The following SIPA1L3 variants were observed in gnomAD, a reference collection of about 807,000 sequenced individuals.
SIPA1L3 encodes the protein signal induced proliferation associated 1 like 3, also known as signal-induced proliferation-associated 1-like protein 3.
A neutral mutation model predicts 150.1 loss-of-function variants in SIPA1L3; 59 were observed. The observed-to-expected ratio is 0.39, with a 90% CI of 0.32 to 0.49. SIPA1L3 has a LOEUF of 0.49. SIPA1L3 is among the 20% of genes least tolerant of loss of function. The pLI is 0.86. For synonymous variants in SIPA1L3, 1,070 were observed against 1,077.6 expected (o/e 0.99, Z 0.14); for missense variants, 2,211 against 2,489.5 (o/e 0.89, Z 2.38).
intron 1 of SIPA1L3, among the ~76,000 whole-genome samples, chr19:37,977,205 C>T (rs2083109794): frequency 6.6e-6 from 1 of 152,014 alleles, no homozygotes; most frequent in South Asian, 2.1e-4. Context: ...TGCTCTGTCG[C>T]CCAGGCTGGA....
intron 1 of SIPA1L3, among the ~76,000 whole-genome samples, chr19:37,998,993 A>C (rs941644891): frequency 2.6e-5 from 4 of 151,366 alleles, no homozygotes; most frequent in South Asian, 4.2e-4. Context: ...ACACACACAC[A>C]CACACACACA....
At chr19:38,018,919 A>ATC (rs1968302276) in intron 1 of SIPA1L3, among the ~76,000 whole-genome samples, 2 of 152,272 alleles carry the variant, frequency 1.3e-5, no homozygotes, top group Admixed American at 6.5e-5. Context: ...ATGACTCAAC[A>ATC]TCTCATATAT....
chr19:38,168,369 A>T (rs1366010697), intron 15 of SIPA1L3, among the ~76,000 whole-genome samples: 3 of 152,042 alleles, frequency 2.0e-5, no homozygotes, highest in Non-Finnish European at 2.9e-5. Flanking sequence ...CCTGGGGAAT[A>T]GAATGAGACT....
At chr19:38,039,466 GGTGA>G (rs1968863274) in intron 2 of SIPA1L3, among the ~76,000 whole-genome samples, 1 of 152,024 alleles carries the variant, frequency 6.6e-6, no homozygotes. Context: ...GGCTGAGGCG[GGTGA>G]ATCACTTGAG....
At chr19:38,160,950 C>T (rs1390611377) in intron 13 of SIPA1L3, among the ~76,000 whole-genome samples, 1 of 152,156 alleles carries the variant, frequency 6.6e-6, no homozygotes, top group Non-Finnish European at 1.5e-5. Context: ...ATGTGAAGAC[C>T]TATGGTGAAG....
intron 1 of SIPA1L3, among the ~76,000 whole-genome samples, chr19:37,943,029 TC>T (rs2046675662): frequency 6.8e-5 from 8 of 118,460 alleles, no homozygotes; most frequent in Middle Eastern, 4.3e-3. Context: ...TCTCTCTCTC[TC>T]TCTCTTTTTT....
At chr19:38,106,505 A>G in intron 6 of SIPA1L3, 32 bp from the exon 7 acceptor site, 3 of 1,479,634 alleles carry the variant, frequency 2.0e-6, no homozygotes, top group Non-Finnish European at 1.9e-6. Context: ...GAGGTTTTGG[A>G]AACATGGTCC....
intron 17 of SIPA1L3, 68 bp downstream of exon 17, chr19:38,192,378 A>G: frequency 7.0e-7 from 1 of 1,434,682 alleles, no homozygotes; most frequent in Non-Finnish European, 9.4e-7. Context: ...TGGGCAGGCA[A>G]GGAGAAGGGC....
rs1970048990 is a variant in SIPA1L3, at chr19:38,083,239, G to A, written c.1534+140G>A. 5 of 912,846 alleles carry A rather than the reference G, an allele frequency of 5.5e-6. No homozygotes were observed. The South Asian group carries it at 8.2e-5, about 15-fold the overall frequency. The allele number at this position is 912,846 out of a possible 1,614,324, so 56.5% of individuals were successfully genotyped here. A position where few individuals can be genotyped will look rare whatever the true frequency, so the allele number is the denominator to read the frequency against. ...GGGAACAGAGACCTCCCTTCTGGAG[G>A]GCTGTGAGGATCCGGTGAGCAGAGC... On this transcript the variant is annotated intron_variant, in intron 3 of 21. Transcript: ENST00000222345.
chr19:38,154,961 A>T (rs1971911357), intron 13 of SIPA1L3, among the ~76,000 whole-genome samples: 1 of 151,738 alleles, frequency 6.6e-6, no homozygotes, highest in African/African-American at 2.4e-5. Flanking sequence ...GGGTTTCAAC[A>T]TGTTGCCAAG....
intron 8 of SIPA1L3, among the ~76,000 whole-genome samples, chr19:38,111,414 C>T (rs1015720375): frequency 6.6e-6 from 1 of 152,138 alleles, no homozygotes; most frequent in African/African-American, 2.4e-5. Flanking sequence ...GGAGTCATCT[C>T]CTGTCCTCTA....
rs118071039 is a variant in SIPA1L3 at position 38,169,782 on chromosome 19, G to A, written c.4208+4876G>A. ...GGAGCCCCAGTCCTGCCTGACTGAC[G>A]CATTCCCAGACAGAGACAGCCCAGA... is the stretch of plus-strand genomic sequence containing the variant. On this transcript the variant is annotated intron_variant, in intron 15 of 21. Coordinates refer to ENST00000222345, the MANE Select transcript of SIPA1L3 (RefSeq NM_015073.3). Among the ~76,000 whole-genome samples, 762 of 152,310 alleles carry A rather than the reference G, an allele frequency of 5.0e-3. 28 individuals carry two copies. The highest frequency in any genetic ancestry group is 0.042 in the Admixed American group (649 of 15,298).
intron 6 of SIPA1L3, among the ~76,000 whole-genome samples, chr19:38,103,064 A>G (rs1207579488): frequency 2.0e-5 from 3 of 151,752 alleles, no homozygotes; most frequent in Non-Finnish European, 4.4e-5. Flanking sequence ...CAGAGGTTGC[A>G]GTGAGCCAAG....
intron 1 of SIPA1L3, among the ~76,000 whole-genome samples, chr19:37,925,862 G>C (rs1164034874): frequency 6.6e-6 from 1 of 152,118 alleles, no homozygotes; most frequent in Non-Finnish European, 1.5e-5. Context: ...AAAGTGCTGG[G>C]ATTACAGGCG....
chr19:38,127,511 A>C (rs555628341), intron 9 of SIPA1L3, among the ~76,000 whole-genome samples: 1 of 152,256 alleles, frequency 6.6e-6, no homozygotes, highest in Admixed American at 6.5e-5. Flanking sequence ...TTAATTTTTA[A>C]AGACAAGGTC....
At chr19:37,997,864 CAAAAAAA>C (rs967452351) in intron 1 of SIPA1L3, among the ~76,000 whole-genome samples, 6 of 69,282 alleles carry the variant, frequency 8.7e-5, no homozygotes, top group East Asian at 4.2e-4. Flanking sequence ...GACTCCATCT[CAAAAAAA>C]AAAAAAAAAA....
At chr19:38,129,219 A>G (rs1464096518) in intron 9 of SIPA1L3, among the ~76,000 whole-genome samples, 1 of 152,180 alleles carries the variant, frequency 6.6e-6, no homozygotes, top group East Asian at 1.9e-4. Flanking sequence ...CCAGGGGAAT[A>G]TCTCACCCAG....
chr19:38,123,823 A>C, intron 9 of SIPA1L3, among the ~76,000 whole-genome samples: 1 of 119,538 alleles, frequency 8.4e-6, no homozygotes, highest in African/African-American at 4.0e-5. Context: ...GGGGCTCCTC[A>C]CTTCCCAGTA....
chr19:37,985,158 G>T (rs570587402), intron 1 of SIPA1L3, among the ~76,000 whole-genome samples: 1 of 152,024 alleles, frequency 6.6e-6, no homozygotes, highest in African/African-American at 2.4e-5. Flanking sequence ...CAGCCTGGGC[G>T]ACAGAGCAAG....
Sources: gnomAD v4.1 joint callset for allele counts (sites outside exome capture counted in the v4.1 genomes callset) on GRCh38, gnomAD v4.1.1 for gene constraint, MANE v1.5 for transcripts, NCBI Gene and HGNC (gene_info 2026-07-23, HGNC 2026-07-21) for gene names.